The following GCNA variants were observed in gnomAD, a reference collection of about 807,000 sequenced individuals.
The protein encoded by GCNA is germ cell nuclear acidic protein.
GCNA carries 3 observed loss-of-function variants against 38.8 expected under a neutral mutation model. The ratio of observed to expected loss-of-function variants is 0.08; its 90% CI spans 0.04 to 0.20. GCNA has a LOEUF of 0.20. Among genes scored for constraint, GCNA ranks in the 10% least tolerant of loss-of-function variants. The pLI is 1.00. For missense variants in GCNA, 446 were observed against 578.6 expected (o/e 0.77, Z 2.35); for synonymous variants, 195 against 240.2 (o/e 0.81, Z 1.74).
At chrX:71,585,329 A>C (rs1440787353) in intron 2 of GCNA, among the ~76,000 whole-genome samples, 1 of 110,401 alleles carries the variant, frequency 9.1e-6, no homozygotes, top group Non-Finnish European at 1.9e-5. Flanking sequence ...AAAGAAAAAA[A>C]AAAACAAAGC....
intron 2 of GCNA, among the ~76,000 whole-genome samples, chrX:71,581,670 G>A (rs1211780239): frequency 2.7e-5 from 3 of 111,864 alleles, no homozygotes; most frequent in Non-Finnish European, 5.6e-5. Flanking sequence ...TGAGACTTGG[G>A]TTTTTGCCTT....
Position 71,578,538 on chromosome X carries a change from G to A in GCNA, c.-3+16G>A, listed in dbSNP as rs1467916687. On this transcript the variant is annotated intron_variant, in intron 1 of 12. Transcript: ENST00000373696. ...GCAACACCAGGTAGGTGACCGGCTGGTCGGACTGAGATGGGTGCTGAAGTG... is the reference window on the plus strand; with the variant it reads ...GCAACACCAGGTAGGTGACCGGCTGATCGGACTGAGATGGGTGCTGAAGTG... 1 of 112,831 alleles carries A rather than the reference G, an allele frequency of 8.9e-6. No homozygotes were observed. Among genetic ancestry groups the A allele is most frequent in the Non-Finnish European group, 1.9e-5 (1 of 53,360 alleles). The allele number at this position is 112,831 out of a possible 1,213,427, so 9.3% of individuals were successfully genotyped here.
intron 2 of GCNA, among the ~76,000 whole-genome samples, chrX:71,589,918 C>G (rs2040614364): frequency 1.8e-5 from 2 of 109,990 alleles, no homozygotes; most frequent in South Asian, 7.9e-4. Flanking sequence ...GCTGAAGCAA[C>G]CCTCCAGCCT....
intron 7 of GCNA, among the ~76,000 whole-genome samples, chrX:71,602,103 A>C (rs760544805): frequency 8.9e-6 from 1 of 112,055 alleles, no homozygotes; most frequent in Non-Finnish European, 1.9e-5. Flanking sequence ...TTTTCTCCTC[A>C]TTCTCACCAG....
intron 2 of GCNA, among the ~76,000 whole-genome samples, chrX:71,591,896 G>A (rs1470826304): frequency 8.9e-6 from 1 of 112,119 alleles, no homozygotes; most frequent in Non-Finnish European, 1.9e-5. Context: ...CATTCTTCCC[G>A]TGTTTTTGAT....
chrX:71,587,162 A>G (rs1056830497), intron 2 of GCNA, among the ~76,000 whole-genome samples: 3 of 110,630 alleles, frequency 2.7e-5, no homozygotes, highest in African/African-American at 9.9e-5. Flanking sequence ...TGGTAGGGAC[A>G]CTGTGTTCCC....
intron 4 of GCNA, among the ~76,000 whole-genome samples, chrX:71,593,590 G>C (rs2040647172): frequency 9.5e-6 from 1 of 105,728 alleles, no homozygotes. Context: ...AGAGAAGCAA[G>C]AGGCCCCAGC....
chrX:71,610,548 G>A, intron 10 of GCNA, 133 bp from the exon 11 acceptor site: 1 of 798,909 alleles, frequency 1.3e-6, no homozygotes, highest in East Asian at 3.8e-5. Flanking sequence ...GGGAAGCAGA[G>A]GTTGCAGTGG....
chrX:71,610,740 C>T lies in GCNA; in HGVS notation c.1671C>T (p.Cys557=). 4 of 1,212,325 alleles carry T rather than the reference C, an allele frequency of 3.3e-6. No individual in the cohort carries two copies. The highest frequency in any genetic ancestry group is 3.4e-6 in the Non-Finnish European group (3 of 895,483). The change falls in exon 11 of 13, where the codon TGC becomes TGT. Residue 557 remains cysteine, a synonymous_variant. Coordinates refer to ENST00000373696, the MANE Select transcript of GCNA (RefSeq NM_052957.5). ...NNKMVKTAGL[C]STGEMWYPKW... ...AGATGGTGAAAACTGCTGGCTTATGCAGCACTGGTGAGATGTGGTACCCAA... is the reference window on the plus strand; with the variant it reads ...AGATGGTGAAAACTGCTGGCTTATGTAGCACTGGTGAGATGTGGTACCCAA...
intron 1 of GCNA, chrX:71,580,203 C>G (rs13440475): frequency 1.2e-5 from 1 of 86,023 alleles, no homozygotes; most frequent in African/African-American, 4.5e-5. Context: ...TGGGGGCGGT[C>G]GAGCCCTGAT....
intron 7 of GCNA, among the ~76,000 whole-genome samples, chrX:71,598,864 A>C (rs1328436646): frequency 3.6e-5 from 4 of 111,000 alleles, no homozygotes; most frequent in Admixed American, 2.9e-4. Flanking sequence ...TTTTTTGGAG[A>C]CAGTCTCGGT....
At chrX:71,579,609 T>G (rs1602164157) in intron 1 of GCNA, among the ~76,000 whole-genome samples, 1 of 69,860 alleles carries the variant, frequency 1.4e-5, no homozygotes, top group Admixed American at 1.7e-4. Context: ...CTAGTGGTTG[T>G]GGGTAGGGGT....
intron 1 of GCNA, among the ~76,000 whole-genome samples, chrX:71,579,559 A>G (rs2040529690): frequency 2.8e-5 from 1 of 35,985 alleles, no homozygotes; most frequent in Non-Finnish European, 5.1e-5. Flanking sequence ...CTGTGGGGAG[A>G]AGTGGGGGTG....
intron 1 of GCNA, among the ~76,000 whole-genome samples, chrX:71,579,758 GC>G (rs1296474245): frequency 1.9e-5 from 2 of 106,799 alleles, no homozygotes; most frequent in African/African-American, 6.9e-5. Context: ...GTTGAAGGTG[GC>G]TGGAGGTGGT....
intron 10 of GCNA, 30 bp from the exon 11 acceptor site, chrX:71,610,651 T>C: frequency 8.3e-7 from 1 of 1,201,099 alleles, no homozygotes; most frequent in Non-Finnish European, 1.1e-6. Context: ...AACAGCTTTC[T>C]GATTCCTTTC....
At chrX:71,599,087 C>T (rs749374543) in intron 7 of GCNA, among the ~76,000 whole-genome samples, 12 of 108,994 alleles carry the variant, frequency 1.1e-4, no homozygotes, top group Non-Finnish European at 2.1e-4. Flanking sequence ...GAACTCCTGG[C>T]CTCAAGCAAT....
At position 71,600,618 on chromosome X, in the gene GCNA, C is replaced by T. The variant is rs181463944; in HGVS notation, c.310+2580C>T. ...AGTTTGGTTGCTATTTGATCTGTCA[C>T]TGCTCTCAGTGAAATAAAAAATAGG... On this transcript the variant is annotated intron_variant, in intron 7 of 12. Transcript: ENST00000373696. 2.8e-3 allele frequency among the ~76,000 whole-genome samples: 310 copies of T among 111,975 alleles called. 2 individuals are homozygous for T. The highest frequency in any genetic ancestry group is 9.6e-3 in the African/African-American group (297 of 30,850).
intron 2 of GCNA, among the ~76,000 whole-genome samples, chrX:71,591,908 C>T (rs1038074205): frequency 8.9e-6 from 1 of 112,284 alleles, no homozygotes; most frequent in Non-Finnish European, 1.9e-5. Flanking sequence ...GTTTTTGATT[C>T]AGCAGTAAGG....
intron 10 of GCNA, 52 bp from the exon 11 acceptor site, chrX:71,610,629 A>G (rs1320033382): frequency 6.4e-5 from 75 of 1,180,585 alleles, no homozygotes; most frequent in Non-Finnish European, 8.3e-5. Context: ...ACAAAAAAAC[A>G]AAAAAACCCA....
Sources: gnomAD v4.1 joint callset for allele counts (sites outside exome capture counted in the v4.1 genomes callset) on GRCh38, gnomAD v4.1.1 for gene constraint, MANE v1.5 for transcripts, NCBI Gene and HGNC (gene_info 2026-07-23, HGNC 2026-07-21) for gene names.